CHPT1: variants seen among roughly 807,000 people sequenced by gnomAD.
The protein encoded by CHPT1 is choline phosphotransferase 1, also known as cholinephosphotransferase 1.
Under a neutral mutation model 47.6 loss-of-function variants are expected in CHPT1, and 36 were observed. The ratio of observed to expected loss-of-function variants is 0.76; its 90% CI spans 0.58 to 1.00. The LOEUF (loss-of-function observed/expected upper bound fraction) is 1.00, where lower values mean the gene tolerates loss of function less well. Among genes scored for constraint, CHPT1 ranks in the 50% least tolerant of loss-of-function variants. The probability of loss-of-function intolerance (pLI) is 0.00; values close to 1 mark genes in which losing one functional copy is unlikely to be tolerated. For synonymous variants in CHPT1, 194 were observed against 186.3 expected, an observed-to-expected ratio of 1.04 and a Z score of -0.33; for missense variants, 458 against 498.1, an observed-to-expected ratio of 0.92 and a Z score of 0.77.
At chr12:101,717,464 A>T (rs563570885) in intron 4 of CHPT1, 8 of 318,660 alleles carry the variant, frequency 2.5e-5, no homozygotes, top group Non-Finnish European at 5.0e-5. Context: ...AATAATAAGG[A>T]TATCAATAGT....
intron 8 of CHPT1, chr12:101,728,413 ATTG>A (rs1952030078): frequency 6.4e-6 from 1 of 155,096 alleles, no homozygotes; most frequent in African/African-American, 2.4e-5. Flanking sequence ...TTATTTATAT[ATTG>A]TTCTATTGCT....
At chr12:101,727,520 T>G in intron 8 of CHPT1, 1 of 151,206 alleles carries the variant, frequency 6.6e-6, no homozygotes, top group Non-Finnish European at 1.5e-5. Context: ...AGGAGTAATT[T>G]GTGTACTACA....
Position 101,700,516 on chromosome 12 carries a change from G to A in CHPT1, c.273+2382G>A, listed in dbSNP as rs143839348. On this transcript the variant is annotated intron_variant, in intron 1 of 8. Transcript: ENST00000229266. ...CGCCATTACAGGATCCACATTGCTT[G>A]TTTGGTGAAAGCCCAGCAACAGTGT... Among the ~76,000 whole-genome samples the A allele has an allele frequency of 8.3e-4, 126 of 152,326 alleles. 2 individuals carry two copies. The highest frequency in any genetic ancestry group is 2.9e-3 in the African/African-American group (120 of 41,570).
chr12:101,720,564 G>A (rs1468452479), intron 5 of CHPT1, among the ~76,000 whole-genome samples: 3 of 152,164 alleles, frequency 2.0e-5, no homozygotes, highest in African/African-American at 4.8e-5. Context: ...AAAGGGTAGG[G>A]AATGTATGAG....
intron 1 of CHPT1, among the ~76,000 whole-genome samples, chr12:101,707,808 G>A (rs959257664): frequency 6.6e-6 from 1 of 152,152 alleles, no homozygotes; most frequent in Non-Finnish European, 1.5e-5. Context: ...ACAGGGTTGT[G>A]GGCAAGGAAG....
rs183366513 is a variant in CHPT1 at position 101,714,727 on chromosome 12, A to G, written c.563+82A>G. 2.6e-3 allele frequency: 3,573 copies of G among 1,372,320 alleles called. 12 individuals are homozygous for G. The highest frequency in any genetic ancestry group is 3.2e-3 in the Non-Finnish European group (3,267 of 1,029,750). The allele number at this position is 1,372,320 out of a possible 1,614,324, so 85.0% of individuals were successfully genotyped here. On this transcript the variant is annotated intron_variant, in intron 3 of 8. Transcript: ENST00000229266. ...TCTGTTATGTCATTCATCGATAATA[A>G]GGAGAACAAATCTTCAATCAGTAAC... is the stretch of plus-strand genomic sequence containing the variant.
chr12:101,722,185 A>AT (rs1248352922), intron 5 of CHPT1, among the ~76,000 whole-genome samples: 4 of 151,516 alleles, frequency 2.6e-5, no homozygotes, highest in South Asian at 4.1e-4. Flanking sequence ...TTAGGAGCAG[A>AT]TTTTTTTTCT....
Position 101,716,782 on chromosome 12 carries a change from A to C in CHPT1, c.618A>C (p.Ala206=). Residue 206 remains alanine (A), a synonymous_variant, in exon 4 of 9, where the codon GCA becomes GCC. Coordinates refer to ENST00000229266, the MANE Select transcript of CHPT1 (RefSeq NM_020244.3). ...TAGTGATTGTCTTTGTGTTGTCTGC[A>C]TTTGGAGGAGCAACAATGTGGGACT... is the stretch of plus-strand genomic sequence containing the variant. ...IALVIVFVLS[A]FGGATMWDYT... 6.2e-7 allele frequency: 1 copy of C among 1,607,392 alleles called. No individual in the cohort carries two copies. Among genetic ancestry groups the C allele is most frequent in the Middle Eastern group, 1.7e-4 (1 of 6,010 alleles).
At chr12:101,710,858 T>C (rs1056043739) in intron 1 of CHPT1, among the ~76,000 whole-genome samples, 1 of 148,886 alleles carries the variant, frequency 6.7e-6, no homozygotes, top group Admixed American at 6.8e-5. Context: ...CTCTGACATT[T>C]TGTCATTACA....
intron 4 of CHPT1, chr12:101,717,124 G>A: frequency 7.9e-6 from 3 of 377,604 alleles, no homozygotes; most frequent in Non-Finnish European, 1.5e-5. Flanking sequence ...CTTTTTCCAG[G>A]GTGAAATAAA....
intron 6 of CHPT1, 121 bp downstream of exon 6, chr12:101,723,447 A>G: frequency 1.5e-6 from 1 of 674,262 alleles, no homozygotes. Context: ...ATAATTAGCT[A>G]TTTGTGCTCC....
At chr12:101,712,335 T>G (rs1951710017) in intron 1 of CHPT1, among the ~76,000 whole-genome samples, 1 of 148,802 alleles carries the variant, frequency 6.7e-6, no homozygotes, top group African/African-American at 2.4e-5. Flanking sequence ...ATTTTCTGCT[T>G]ACTACTAGTT....
In CHPT1 at chr12:101,725,988, C is replaced by T. The variant is rs756800558; in HGVS notation, c.1066-306C>T. On this transcript the variant is annotated intron_variant, in intron 7 of 8. Coordinates refer to ENST00000229266, the MANE Select transcript of CHPT1 (RefSeq NM_020244.3). ...TCTTCTAGAAGGAAATTTGCAGCTT[C>T]GTGGCACAGCAGGAAGTTGAAACAA... 3.3e-5 allele frequency among the ~76,000 whole-genome samples: 5 copies of T among 152,140 alleles called. 1 individual carries two copies. Among genetic ancestry groups the T allele is most frequent in the Non-Finnish European group, 1.5e-5 (1 of 67,984 alleles).
At position 101,723,827 on chromosome 12, in the gene CHPT1, G is replaced by C; in HGVS notation, c.1045G>C (p.Val349Leu). 1 of 1,519,120 alleles carries C rather than the reference G, an allele frequency of 6.6e-7. No individual in the cohort carries two copies. The highest frequency in any genetic ancestry group is 9.1e-7 in the Non-Finnish European group (1 of 1,103,630). 94.1% of individuals were successfully genotyped at this position (1,519,120 alleles called of 1,614,324 possible). Residue 349 changes from valine (V) to leucine (L), a missense_variant, in exon 7 of 9, where the codon GTT becomes CTT. Physicochemically the swap from Val to Leu is conservative, Grantham distance 32. Transcript: ENST00000229266. The part of the protein sequence containing the change: ...QYFNNFIDEY[V>L]VLWMAMVISS... ...CTTTAATAACTTTATAGACGAATATGTTGTTCTATGGATGGCAATGGTAAG... is the reference window on the plus strand; with the variant it reads ...CTTTAATAACTTTATAGACGAATATCTTGTTCTATGGATGGCAATGGTAAG...
chr12:101,714,043 A>G (rs765184376), intron 1 of CHPT1, 47 bp from the exon 2 acceptor site: 1 of 1,338,920 alleles, frequency 7.5e-7, no homozygotes, highest in Non-Finnish European at 1.0e-6. Context: ...ATTTTCAGAA[A>G]GCTTATTATC....
chr12:101,727,944 A>AATT (rs1952005575), intron 8 of CHPT1: 1 of 152,134 alleles, frequency 6.6e-6, no homozygotes, highest in African/African-American at 2.4e-5. Flanking sequence ...CAAAAATTAG[A>AATT]ATTTAAAACA....
At chr12:101,713,377 C>T (rs1024128498) in intron 1 of CHPT1, among the ~76,000 whole-genome samples, 2 of 152,218 alleles carry the variant, frequency 1.3e-5, no homozygotes, top group Non-Finnish European at 2.9e-5. Context: ...ATGCTCCTCT[C>T]TCTGTGCAGC....
chr12:101,721,385 T>G (rs1951849761), intron 5 of CHPT1, among the ~76,000 whole-genome samples: 1 of 152,140 alleles, frequency 6.6e-6, no homozygotes, highest in Non-Finnish European at 1.5e-5. Flanking sequence ...TCCTTTAAAG[T>G]CATTTGGAGC....
In CHPT1 at chr12:101,697,993, G is replaced by A. The variant is rs1951489101; in HGVS notation, c.132G>A (p.Pro44=). 4 of 1,553,486 alleles carry A rather than the reference G, an allele frequency of 2.6e-6. No homozygotes were observed. The highest frequency in any genetic ancestry group is 3.4e-6 in the Non-Finnish European group (4 of 1,160,972). Residue 44 remains proline (P), a synonymous_variant, in exon 1 of 9, where the codon CCG becomes CCA. Transcript: ENST00000229266. ...YSAAGVSLLE[P]PLQLYWTWLL... ...CGGCGGGCGTCTCGCTGCTCGAGCCGCCGCTGCAGCTCTACTGGACCTGGC... is the reference window on the plus strand; with the variant it reads ...CGGCGGGCGTCTCGCTGCTCGAGCCACCGCTGCAGCTCTACTGGACCTGGC...
Sources: allele counts gnomAD v4.1 joint callset (sites outside exome capture counted in the v4.1 genomes callset), GRCh38; gene constraint gnomAD v4.1.1; transcripts MANE v1.5; gene names NCBI Gene and HGNC (gene_info 2026-07-23, HGNC 2026-07-21).